The following OPLAH variants were observed in gnomAD, a reference collection of about 807,000 sequenced individuals.
OPLAH encodes the protein 5-oxoprolinase.
In OPLAH, 103 loss-of-function variants were observed where a neutral mutation model predicts 122.8. That is an observed-to-expected ratio of 0.84 (90% CI 0.71 to 0.99). The LOEUF (loss-of-function observed/expected upper bound fraction) is 0.99. Ranked by LOEUF, OPLAH falls within the 50% of genes least tolerant of loss-of-function variation. The pLI, the probability that OPLAH is intolerant of heterozygous loss-of-function variation, is 0.00. For missense variants in OPLAH, 1,902 were observed against 1,836.5 expected (o/e 1.04, Z -0.65); for synonymous variants, 875 against 796.0 (o/e 1.10, Z -1.67).
chr8:144,052,911 C>T lies in OPLAH; in HGVS notation c.3019-11G>A, dbSNP rs562417499. The T allele has an allele frequency of 9.6e-6, 15 of 1,560,496 alleles. No homozygotes were observed. The Admixed American group carries it at 1.2e-4, about 12-fold the overall frequency. On this transcript the variant is annotated splice_polypyrimidine_tract_variant and intron_variant, in intron 21 of 26. Coordinates refer to ENST00000618853, the MANE Select transcript of OPLAH (RefSeq NM_017570.5). ...AAACACGGCGCTGCCCTGCGCGCCC[C>T]GAGGGAAGGGAGAGGCTGTCAGCGG...
chr8:144,050,859 G>A (rs185137204), downstream of OPLAH: 7 of 991,990 alleles, frequency 7.1e-6, no homozygotes, highest in African/African-American at 1.0e-4. Flanking sequence ...TGCCGAGGCG[G>A]TGAGTTGCGA....
At chr8:144,059,475 T>G in intron 3 of OPLAH, 124 bp downstream of exon 3, 1 of 1,054,168 alleles carries the variant, frequency 9.5e-7, no homozygotes, top group Middle Eastern at 2.7e-4. Flanking sequence ...ATTCGGGAGC[T>G]TCCTCTTTGT....
At chr8:144,063,317 AG>A (rs1835692726), upstream of OPLAH, among the ~76,000 whole-genome samples, 1 of 152,162 alleles carries the variant, frequency 6.6e-6, no homozygotes, top group Non-Finnish European at 1.5e-5. The surrounding 1 kb of genome is among the most constrained non-coding windows in gnomAD (Gnocchi z 4.2). Context: ...CAGAACACAG[AG>A]CTGCTACTTC....
chr8:144,058,470 G>A (rs782740582), intron 6 of OPLAH, 26 bp downstream of exon 6: 3 of 1,576,744 alleles, frequency 1.9e-6, no homozygotes, highest in African/African-American at 2.7e-5. Context: ...CCAGGAGTGG[G>A]CAGTGGGGGT....
rs781829935 is a variant in OPLAH, at chr8:144,057,282, G to A, written c.1461C>T (p.Cys487=). Residue 487 remains cysteine (C), a synonymous_variant, in exon 11 of 27, where the codon TGC becomes TGT. Transcript: ENST00000618853. ...CATGCTGCCCACCAGCTCCCCCAAA[G>A]CAGGCCAGCACATGGGCTGAGGGGT... The part of the protein sequence containing the change: ...GHDPSAHVLA[C]FGGAGGQHAC... The A allele has an allele frequency of 6.2e-7, 1 of 1,612,450 alleles. No individual in the cohort carries two copies. Among genetic ancestry groups the A allele is most frequent in the Non-Finnish European group, 8.5e-7 (1 of 1,179,772 alleles).
At position 144,056,164 on chromosome 8, in the gene OPLAH, G is replaced by T; in HGVS notation, c.2079C>A (p.Leu693=). 6.2e-7 allele frequency: 1 copy of T among 1,606,274 alleles called. No individual in the cohort carries two copies. The highest frequency in any genetic ancestry group is 1.1e-5 in the South Asian group (1 of 90,952). The change falls in exon 15 of 27, where the codon CTC becomes CTA. Residue 693 remains leucine (L), a synonymous_variant. Transcript: ENST00000618853. ...CAGCCCACCTGTTACTGTCGATGAT[G>T]AGGCAGGGCCCATGGAGCTTGTGCC... ...GYGHKLHGPC[L]IIDSNSTILV...
rs1554760379 is a variant in OPLAH, at chr8:144,059,630, C to T, written c.332G>A (p.Gly111Asp). ...AAAGAGGTCCCCACGGGCTTGGGTG[C>T]CAATGTGCAGCAGGTCTCGGAAGCC... ...TRGFRDLLHI[G>D]TQARGDLFDL... The change falls in exon 3 of 27, where the codon GGC becomes GAC. Residue 111 changes from glycine to aspartate, a missense_variant. Physicochemically the swap from Gly to Asp is moderately conservative, Grantham distance 94. Around this residue, in one of 3 missense-constraint regions of OPLAH, gnomAD observed 168 missense variants for 170.6 expected, o/e 0.98. Transcript: ENST00000618853. The T allele has an allele frequency of 2.5e-6, 4 of 1,611,674 alleles. No individual in the cohort carries two copies. The Admixed American group carries it at 6.7e-5, about 27-fold the overall frequency.
Position 144,058,631 on chromosome 8 carries a change from C to A in OPLAH, c.648G>T (p.Val216=). The A allele has an allele frequency of 6.2e-7, 1 of 1,602,704 alleles. No individual in the cohort carries two copies. The highest frequency in any genetic ancestry group is 2.2e-5 in the East Asian group (1 of 44,832). The change falls in exon 6 of 27, where the codon GTG becomes GTT. Residue 216 remains valine (V), a synonymous_variant. Coordinates refer to ENST00000618853, the MANE Select transcript of OPLAH (RefSeq NM_017570.5). Reference sequence around the variant, plus strand: ...TGGGCATGGCCTCCGAGGACAGTGACACGTGCGTGAAGCCCAGCTCCCGGG... The same window carrying A: ...TGGGCATGGCCTCCGAGGACAGTGAAACGTGCGTGAAGCCCAGCTCCCGGG... ...VLARELGFTH[V]SLSSEAMPMV... is the part of the protein sequence containing the mutation.
Position 144,058,108 on chromosome 8 carries a change from C to T in OPLAH, c.990G>A (p.Glu330=), listed in dbSNP as rs781891466. The T allele has an allele frequency of 6.2e-7, 1 of 1,612,414 alleles. No homozygotes were observed. The part of the protein sequence containing the change: ...TDVSRYAGEF[E]HVFEASTAGV... ...CAGCTGTGCTGGCCTCGAAGACGTG[C>T]TCGAATTCCCCAGCATAGCGGCTCA... The change falls in exon 8 of 27, where the codon GAG becomes GAA. Residue 330 remains glutamate, a synonymous_variant. Coordinates refer to ENST00000618853, the MANE Select transcript of OPLAH (RefSeq NM_017570.5).
At chr8:144,059,452 G>C (rs1425497371) in intron 3 of OPLAH, 147 bp downstream of exon 3, 3 of 863,042 alleles carry the variant, frequency 3.5e-6, no homozygotes, top group Admixed American at 5.8e-5. Context: ...GAGAACTTGG[G>C]GTCCCACTGG....
chr8:144,053,595 G>T (rs1387663796), intron 19 of OPLAH, among the ~76,000 whole-genome samples: 1 of 152,054 alleles, frequency 6.6e-6, no homozygotes, highest in Admixed American at 6.5e-5. Flanking sequence ...TCTGCAGTGT[G>T]CCTGTGCATG....
chr8:144,051,894 C>G (rs1161117453), intron 25 of OPLAH, 22 bp downstream of exon 25: 4 of 1,528,498 alleles, frequency 2.6e-6, no homozygotes, highest in African/African-American at 1.4e-5. Flanking sequence ...GGGAGGGCCG[C>G]GAGGGCTGGG....
Position 144,056,934 on chromosome 8 carries a change from C to T in OPLAH, c.1706+14G>A, listed in dbSNP as rs1554759364. The T allele has an allele frequency of 1.3e-6, 2 of 1,562,384 alleles. No homozygotes were observed. The highest frequency in any genetic ancestry group is 1.9e-5 in the Admixed American group (1 of 53,222). On this transcript the variant is annotated intron_variant, in intron 12 of 26. Coordinates refer to ENST00000618853, the MANE Select transcript of OPLAH (RefSeq NM_017570.5). ...CAACGTAAGCCCTCTGTCCAGGGCA[C>T]CCTGGGAGCCCACCTGGGGAAGCCC... is the stretch of plus-strand genomic sequence containing the variant.
Position 144,060,106 on chromosome 8 carries a change from C to T in OPLAH, c.-53-21G>A, listed in dbSNP as rs1380563063. ...AAAAACTGGACGGAGGCGGGGTCAG[C>T]CCGGGCTCACCTGCGAGTGGGACTA... is the stretch of plus-strand genomic sequence containing the variant. On this transcript the variant is annotated intron_variant, in intron 1 of 26. Transcript: ENST00000618853. The T allele has an allele frequency of 1.3e-5, 19 of 1,495,020 alleles. No individual in the cohort carries two copies. The East Asian group carries it at 4.6e-4, about 36-fold the overall frequency. 92.6% of individuals were successfully genotyped at this position (1,495,020 alleles called of 1,614,324 possible).
chr8:144,051,409 G>T lies in OPLAH; in HGVS notation c.3784C>A (p.Pro1262Thr). ...GYGDPEDPAPPPGSPPQALAF... is the reference protein window; with the variant it reads ...GYGDPEDPAPTPGSPPQALAF... The stretch of plus-strand genomic sequence containing the variant: ...AGTGCTTGCGGGGGCGACCCCGGCG[G>T]TGGGGCGGGGTCCTCCGGGTCCCCA... Residue 1262 changes from proline to threonine, a missense_variant, in exon 27 of 27, where the codon CCG becomes ACG. Physicochemically the swap from Pro to Thr is conservative, Grantham distance 38 (BLOSUM62 -1). Around this residue, in one of 3 missense-constraint regions of OPLAH, gnomAD observed 1,726 missense variants for 1,642.1 expected, o/e 1.05. Transcript: ENST00000618853. The T allele has an allele frequency of 6.3e-7, 1 of 1,596,450 alleles. No individual in the cohort carries two copies. The highest frequency in any genetic ancestry group is 8.5e-7 in the Non-Finnish European group (1 of 1,173,528).
In OPLAH at chr8:144,056,272, C is replaced by A; in HGVS notation, c.1984-13G>T. 6.2e-7 allele frequency: 1 copy of A among 1,606,274 alleles called. No homozygotes were observed. Among genetic ancestry groups the A allele is most frequent in the African/African-American group, 1.3e-5 (1 of 74,896 alleles). On this transcript the variant is annotated splice_polypyrimidine_tract_variant and intron_variant, in intron 14 of 26. Coordinates refer to ENST00000618853, the MANE Select transcript of OPLAH (RefSeq NM_017570.5). ...AGCACTGGGTCATCTGCAGAGGGTG[C>A]GGGTGAGTACAGCGCCCGGGCCCAG...
At position 144,059,805 on chromosome 8, in the gene OPLAH, G is replaced by T; in HGVS notation, c.172-15C>A. Reference sequence around the variant, plus strand: ...ATGCCGGCCTCCTGGGGACCACGTGGTCAGTGTGGGGCTTCTGGCCGTGGG... The same window carrying T: ...ATGCCGGCCTCCTGGGGACCACGTGTTCAGTGTGGGGCTTCTGGCCGTGGG... On this transcript the variant is annotated splice_polypyrimidine_tract_variant and intron_variant, in intron 2 of 26. Transcript: ENST00000618853. 6.2e-7 allele frequency: 1 copy of T among 1,609,436 alleles called. No individual in the cohort carries two copies. Among genetic ancestry groups the T allele is most frequent in the Non-Finnish European group, 8.5e-7 (1 of 1,178,580 alleles).
At position 144,051,933 on chromosome 8, in the gene OPLAH, C is replaced by G; in HGVS notation, c.3605G>C (p.Arg1202Pro). The G allele has an allele frequency of 1.9e-6, 3 of 1,540,006 alleles. No individual in the cohort carries two copies. The highest frequency in any genetic ancestry group is 2.6e-6 in the Non-Finnish European group (3 of 1,150,250). ...CCGCGCACCGTGGAGCCCGTATGGC[C>G]GGAAGGCGCGGCGCTCGGTCAGCAC... ...LSVLTERRAF[R>P]PYGLHGGEPG... Residue 1202 changes from arginine (R) to proline (P), a missense_variant, in exon 25 of 27, where the codon CGG becomes CCG. By Grantham distance (103) the Arg-to-Pro change is moderately radical. Around this residue, in one of 3 missense-constraint regions of OPLAH, gnomAD observed 1,726 missense variants for 1,642.1 expected, o/e 1.05. Coordinates refer to ENST00000618853, the MANE Select transcript of OPLAH (RefSeq NM_017570.5).
In OPLAH at chr8:144,054,609, C is replaced by A; in HGVS notation, c.2638G>T (p.Val880Phe). ...HSTMLQQEGA[V>F]FLSFKLVQGG... ...TGGACAAGTTTGAAGGACAGAAAGACGGCACCCTCCTGTTGCAGCATGGTG... is the reference window on the plus strand; with the variant it reads ...TGGACAAGTTTGAAGGACAGAAAGAAGGCACCCTCCTGTTGCAGCATGGTG... The change falls in exon 19 of 27, where the codon GTC becomes TTC. Residue 880 changes from valine (V) to phenylalanine (F), a missense_variant. Transcript: ENST00000618853. 1 of 1,606,540 alleles carries A rather than the reference C, an allele frequency of 6.2e-7. No individual in the cohort carries two copies. The highest frequency in any genetic ancestry group is 8.5e-7 in the Non-Finnish European group (1 of 1,174,836).
Sources: allele counts gnomAD v4.1 joint callset (sites outside exome capture counted in the v4.1 genomes callset), GRCh38; gene constraint gnomAD v4.1.1; regional missense constraint gnomAD v4.1.1; non-coding constraint Gnocchi (gnomAD v3.1); transcripts MANE v1.5; gene names NCBI Gene and HGNC (gene_info 2026-07-23, HGNC 2026-07-21).